Variants in FGD6 observed in about 807,000 individuals in gnomAD.
FGD6 encodes FYVE, RhoGEF and PH domain-containing protein 6.
FGD6 carries 90 observed loss-of-function variants against 149.4 expected under a neutral mutation model. The ratio of observed to expected loss-of-function variants is 0.60; its 90% CI spans 0.51 to 0.72. The LOEUF (loss-of-function observed/expected upper bound fraction) is 0.72. FGD6 is among the 30% of genes least tolerant of loss of function. The pLI is 0.00. For synonymous variants in FGD6, 527 were observed against 584.0 expected, an observed-to-expected ratio of 0.90 and a Z score of 1.41; for missense variants, 1,437 against 1,684.8, an observed-to-expected ratio of 0.85 and a Z score of 2.57.
chr12:95,150,033 CT>C (rs71078614), intron 5 of FGD6, among the ~76,000 whole-genome samples: 6 of 119,428 alleles, frequency 5.0e-5, no homozygotes, highest in South Asian at 2.7e-4. Context: ...CACACACACA[CT>C]TTTTTTTTTT....
chr12:95,099,318 T>C (rs1264662258), intron 14 of FGD6, among the ~76,000 whole-genome samples: 2 of 152,006 alleles, frequency 1.3e-5, no homozygotes, highest in Non-Finnish European at 2.9e-5. Flanking sequence ...GGCTGTGGAG[T>C]TGTCTGGCAT....
intron 2 of FGD6, among the ~76,000 whole-genome samples, chr12:95,194,594 G>T (rs1401464181): frequency 2.0e-5 from 3 of 150,982 alleles, no homozygotes; most frequent in Non-Finnish European, 4.4e-5. Context: ...GCCAGGGGTT[G>T]ACGGGAAGAG....
intron 14 of FGD6, among the ~76,000 whole-genome samples, chr12:95,096,234 T>TA (rs1392124923): frequency 6.6e-6 from 1 of 152,092 alleles, no homozygotes; most frequent in African/African-American, 2.4e-5. Flanking sequence ...TAATGGTACA[T>TA]ATAGACATAT....
At chr12:95,196,405 T>G (rs2136296731) in intron 2 of FGD6, among the ~76,000 whole-genome samples, 1 of 151,996 alleles carries the variant, frequency 6.6e-6, no homozygotes, top group African/African-American at 2.4e-5. Context: ...TAATTTTTTG[T>G]CTTTTTAGTA....
chr12:95,137,616 G>A lies in FGD6; in HGVS notation c.2900C>T (p.Ser967Phe), dbSNP rs557087371. The change falls in exon 7 of 21, where the codon TCC becomes TTC. Residue 967 changes from serine (S) to phenylalanine (F), a missense_variant. By Grantham distance (155) the Ser-to-Phe change is radical (BLOSUM62 -2). This residue lies in a region of FGD6 where 1,055 missense variants were observed against 1,146.0 expected (regional missense o/e 0.92). Coordinates refer to ENST00000343958, the MANE Select transcript of FGD6 (RefSeq NM_018351.4). Reference protein sequence around the residue: ...VKKGPYLKMYSTYIKEFDKNI... With the variant: ...VKKGPYLKMYFTYIKEFDKNI... ...CTTATCAAATTCTTTGATGTATGTG[G>A]AATACATTTTTAGATATGGTCCCTT... is the stretch of plus-strand genomic sequence containing the variant. The A allele has an allele frequency of 1.2e-6, 2 of 1,611,516 alleles. No individual in the cohort carries two copies. Among genetic ancestry groups the A allele is most frequent in the Non-Finnish European group, 8.5e-7 (1 of 1,178,688 alleles).
intron 6 of FGD6, among the ~76,000 whole-genome samples, chr12:95,138,356 C>T (rs112659891): frequency 0.029 from 4,478 of 152,066 alleles, 115 homozygotes; most frequent in Non-Finnish European, 0.045. Context: ...CCAGCCTGGC[C>T]AACATGGTAA....
chr12:95,085,455 C>G (rs560064515), intron 19 of FGD6: 12 of 288,576 alleles, frequency 4.2e-5, no homozygotes, highest in African/African-American at 2.6e-4. Flanking sequence ...CACCCCCACT[C>G]AGCCTCCCAA....
At chr12:95,179,230 G>C (rs1881212982) in intron 2 of FGD6, among the ~76,000 whole-genome samples, 1 of 152,002 alleles carries the variant, frequency 6.6e-6, no homozygotes, top group South Asian at 2.1e-4. Context: ...GGTGGTGACT[G>C]ATGTCTGTAA....
In FGD6 at chr12:95,209,407, G is replaced by C. The variant is rs142070726; in HGVS notation, c.1877C>G (p.Ser626Cys). ...TTTCATGCTGAGCAACTTTTTAAAA[G>C]AGTTTTTCTTTGTAGAGTCTTTGCA... ...KPCKDSTKKN[S>C]FKKLLSMKLS... The change falls in exon 2 of 21, where the codon TCT (serine) becomes TGT (cysteine). Residue 626 changes from serine (S) to cysteine (C), a missense_variant. Ser to Cys is a moderately radical substitution (Grantham distance 112, BLOSUM62 -1). Around this residue, in one of 2 missense-constraint regions of FGD6, gnomAD observed 1,055 missense variants for 1,146.0 expected, o/e 0.92. Coordinates refer to ENST00000343958, the MANE Select transcript of FGD6 (RefSeq NM_018351.4). The C allele has an allele frequency of 1.9e-6, 3 of 1,613,016 alleles. No homozygotes were observed. The highest frequency in any genetic ancestry group is 2.5e-6 in the Non-Finnish European group (3 of 1,179,340).
intron 2 of FGD6, among the ~76,000 whole-genome samples, chr12:95,174,145 G>A (rs1416939838): frequency 3.3e-5 from 5 of 152,132 alleles, no homozygotes; most frequent in Non-Finnish European, 7.4e-5. Context: ...TCACTCCCCG[G>A]GGGTAAGTGG....
In FGD6 at chr12:95,087,045, G is replaced by A. The variant is rs143200747; in HGVS notation, c.3979-1137C>T. ...GTATTTTTAGTCGAGACAGGGTTTC[G>A]CCATGTTGGCCAGGTTGGTGTTGAT... is the stretch of plus-strand genomic sequence containing the variant. On this transcript the variant is annotated intron_variant, in intron 18 of 20. Transcript: ENST00000343958. Among the ~76,000 whole-genome samples, 1,194 of 149,898 alleles carry A rather than the reference G, an allele frequency of 8.0e-3. 13 individuals carry two copies. Among genetic ancestry groups the A allele is most frequent in the African/African-American group, 0.028 (1,129 of 40,660 alleles).
At chr12:95,141,643 C>T in intron 5 of FGD6, 104 bp from the exon 6 acceptor site, 1 of 1,274,314 alleles carries the variant, frequency 7.8e-7, no homozygotes, top group Non-Finnish European at 1.1e-6. Context: ...GATTGCACAG[C>T]TGTATTTCTC....
chr12:95,165,963 GT>G (rs149021127), intron 3 of FGD6, among the ~76,000 whole-genome samples: 12,840 of 132,702 alleles, frequency 0.097, 666 homozygotes, highest in African/African-American at 0.17. Flanking sequence ...TTCTTTTTCT[GT>G]TTTTTTTTTT....
At chr12:95,131,210 C>T (rs1326757229) in intron 8 of FGD6, among the ~76,000 whole-genome samples, 4 of 148,414 alleles carry the variant, frequency 2.7e-5, no homozygotes, top group Non-Finnish European at 5.9e-5. Flanking sequence ...CTCTCGGGTT[C>T]AAACAATTCT....
intron 18 of FGD6, among the ~76,000 whole-genome samples, chr12:95,086,388 A>G (rs1412963514): frequency 6.6e-6 from 1 of 152,150 alleles, no homozygotes; most frequent in Non-Finnish European, 1.5e-5. Flanking sequence ...AAATTCTACT[A>G]TTAAGGAAGC....
At chr12:95,138,960 G>A (rs892515257) in intron 6 of FGD6, among the ~76,000 whole-genome samples, 1 of 105,508 alleles carries the variant, frequency 9.5e-6, no homozygotes, top group Non-Finnish European at 2.0e-5. Flanking sequence ...TTTGTGCACT[G>A]TGATATCCTC....
intron 3 of FGD6, among the ~76,000 whole-genome samples, chr12:95,166,793 T>C (rs936545257): frequency 6.6e-6 from 1 of 151,940 alleles, no homozygotes; most frequent in Non-Finnish European, 1.5e-5. Context: ...TATTCCATTG[T>C]AGGAATATAA....
intron 2 of FGD6, among the ~76,000 whole-genome samples, chr12:95,176,762 G>T (rs1393498525): frequency 6.6e-6 from 1 of 152,032 alleles, no homozygotes; most frequent in East Asian, 1.9e-4. Flanking sequence ...TTTCTTTCAG[G>T]TAATAAGTCA....
Position 95,099,882 on chromosome 12 carries a change from GGGAGTACTAGGCTCTCCCC to G in FGD6, c.3497+5106_3497+5124del, listed in dbSNP as rs375085922. On this transcript the variant is annotated intron_variant, in intron 14 of 20. Coordinates refer to ENST00000343958, the MANE Select transcript of FGD6 (RefSeq NM_018351.4). ...CACATTTAATCTCCCCTGGTACTAG[GGGAGTACTAGGCTCTCCCC>G]GGAGTACTAGGCTCTACCTATATTG... 8.2e-3 allele frequency among the ~76,000 whole-genome samples: 1,250 copies of G among 152,120 alleles called. 13 individuals are homozygous for G. The highest frequency in any genetic ancestry group is 0.024 in the Middle Eastern group (7 of 294).
Sources: allele counts gnomAD v4.1 joint callset (sites outside exome capture counted in the v4.1 genomes callset), GRCh38; gene constraint gnomAD v4.1.1; regional missense constraint gnomAD v4.1.1; transcripts MANE v1.5; gene names NCBI Gene and HGNC (gene_info 2026-07-23, HGNC 2026-07-21).